The following CAPN6 variants were observed in gnomAD, a reference collection of about 807,000 sequenced individuals.
CAPN6 encodes calpain-6.
A neutral mutation model predicts 46.0 loss-of-function variants in CAPN6; 16 were observed. That is an observed-to-expected ratio of 0.35 (90% confidence interval 0.24 to 0.53). CAPN6 has a LOEUF of 0.53. Ranked by LOEUF, CAPN6 falls within the 20% of genes least tolerant of loss-of-function variation. The probability of loss-of-function intolerance (pLI) is 0.94; values close to 1 mark genes in which losing one functional copy is unlikely to be tolerated. For synonymous variants in CAPN6, 206 were observed against 172.8 expected, an observed-to-expected ratio of 1.19 and a Z score of -1.51; for missense variants, 461 against 498.0, an observed-to-expected ratio of 0.93 and a Z score of 0.71.
At position 111,254,328 on chromosome X, in the gene CAPN6, T is replaced by C; in HGVS notation, c.241A>G (p.Lys81Glu). 8.3e-7 allele frequency: 1 copy of C among 1,209,272 alleles called. No individual in the cohort carries two copies. Among genetic ancestry groups the C allele is most frequent in the South Asian group, 1.8e-5 (1 of 56,775 alleles). The part of the protein sequence containing the change: ...HQLTQGRLGH[K>E]PMVSAFSCLA... ...CAGGAAAATGCAGAAACCATTGGCT[T>C]GTGCCCCAGTCTCCCTTGGGTCAGC... The change falls in exon 3 of 13, where the codon AAG becomes GAG. Residue 81 changes from lysine (K) to glutamate (E), a missense_variant. Transcript: ENST00000324068.
intron 2 of CAPN6, among the ~76,000 whole-genome samples, chrX:111,256,938 A>G: frequency 9.2e-6 from 1 of 108,264 alleles, no homozygotes; most frequent in Non-Finnish European, 1.9e-5. Context: ...CTATTTAACA[A>G]TAGATTTAAA....
chrX:111,248,636 T>C lies in CAPN6; in HGVS notation c.1417A>G (p.Met473Val), dbSNP rs2094976563. The part of the protein sequence containing the change: ...KKGNYVLVPT[M>V]FQHGRTSEFL... The stretch of plus-strand genomic sequence containing the variant: ...TCGCTGGTGCGACCATGCTGGAACA[T>C]GGTTGGGACAAGCACATAGTTGCCC... Residue 473 changes from methionine (M) to valine (V), a missense_variant, in exon 10 of 13, where the codon ATG becomes GTG. Physicochemically the swap from Met to Val is conservative, Grantham distance 21. Coordinates refer to ENST00000324068, the MANE Select transcript of CAPN6 (RefSeq NM_014289.4). 8.3e-7 allele frequency: 1 copy of C among 1,208,087 alleles called. No homozygotes were observed. The highest frequency in any genetic ancestry group is 1.1e-6 in the Non-Finnish European group (1 of 894,702).
intron 9 of CAPN6, 55 bp downstream of exon 9, chrX:111,248,880 C>A: frequency 2.5e-6 from 3 of 1,204,646 alleles, no homozygotes; most frequent in Non-Finnish European, 3.4e-6. Flanking sequence ...ATTAAATTAT[C>A]CTAATTTTTA....
Position 111,258,422 on chromosome X carries a change from A to T in CAPN6, c.166-4019T>A, listed in dbSNP as rs745578300. Among the ~76,000 whole-genome samples the T allele has an allele frequency of 6.3e-5, 7 of 111,965 alleles. No individual in the cohort carries two copies. The South Asian group carries it at 2.7e-3, about 42-fold the overall frequency. On this transcript the variant is annotated intron_variant, in intron 2 of 12. Transcript: ENST00000324068. ...AAGTCCAGGGTCTAAATAGTCCCAG[A>T]AAGCTCAGGGGCTAATTTGCACAGA...
intron 2 of CAPN6, among the ~76,000 whole-genome samples, chrX:111,256,286 C>T (rs1243870236): frequency 9.0e-6 from 1 of 110,833 alleles, no homozygotes; most frequent in Non-Finnish European, 1.9e-5. Flanking sequence ...GTAATCTCAG[C>T]TACTCAGGAG....
chrX:111,253,012 C>T lies in CAPN6; in HGVS notation c.502G>A (p.Ala168Thr), dbSNP rs1279742139. ...ACTAGTCAATCACCTCCTTACTTTG[C>T]ATAAGCTTTTTCCAGCAGAGCATTC... is the stretch of plus-strand genomic sequence containing the variant. ...FWNALLEKAY[A>T]KLLGCYEALD... The change falls in exon 4 of 13, where the codon GCA (alanine) becomes ACA (threonine). Residue 168 changes from alanine to threonine, a missense_variant. Coordinates refer to ENST00000324068, the MANE Select transcript of CAPN6 (RefSeq NM_014289.4). 1 of 1,204,859 alleles carries T rather than the reference C, an allele frequency of 8.3e-7. No homozygotes were observed. The highest frequency in any genetic ancestry group is 1.1e-6 in the Non-Finnish European group (1 of 890,687).
At chrX:111,247,247 A>G (rs777070318) in intron 12 of CAPN6, 121 bp downstream of exon 12, 15 of 681,784 alleles carry the variant, frequency 2.2e-5, no homozygotes, top group Non-Finnish European at 3.0e-5. Context: ...TTGAGTATAA[A>G]ACAAACCAAA....
rs1416763974 is a variant in CAPN6, at chrX:111,262,417, C to T, written c.165+1355G>A. Reference sequence around the variant, plus strand: ...AACAGAAGTAGCTCTTGGCAGAACTCCATTTAGGAATTTAAGCTGTGGAAA... The same window carrying T: ...AACAGAAGTAGCTCTTGGCAGAACTTCATTTAGGAATTTAAGCTGTGGAAA... On this transcript the variant is annotated intron_variant, in intron 2 of 12. Transcript: ENST00000324068. 2.7e-5 allele frequency among the ~76,000 whole-genome samples: 3 copies of T among 112,016 alleles called. No homozygotes were observed. The East Asian group carries it at 8.4e-4, about 31-fold the overall frequency.
At chrX:111,247,241 G>GA in intron 12 of CAPN6, 127 bp downstream of exon 12, 1 of 576,396 alleles carries the variant, frequency 1.7e-6, no homozygotes, top group Middle Eastern at 5.3e-4. Context: ...GAGTTTTTGA[G>GA]TATAAAACAA....
At position 111,251,003 on chromosome X, in the gene CAPN6, C is replaced by T; in HGVS notation, c.1072G>A (p.Gly358Arg). 1.7e-6 allele frequency: 2 copies of T among 1,211,351 alleles called. No individual in the cohort carries two copies. Among genetic ancestry groups the T allele is most frequent in the Non-Finnish European group, 2.2e-6 (2 of 895,272 alleles). Reference protein sequence around the residue: ...FGRKELESVLGCWTVDDDPLM... With the variant: ...FGRKELESVLRCWTVDDDPLM... ...GGATCATCATCCACAGTCCAGCATCCCAACACCGATTCCAGCTCCTTTCGG... is the reference window on the plus strand; with the variant it reads ...GGATCATCATCCACAGTCCAGCATCTCAACACCGATTCCAGCTCCTTTCGG... The change falls in exon 8 of 13, where the codon GGA (glycine) becomes AGA (arginine). Residue 358 changes from glycine to arginine, a missense_variant. Coordinates refer to ENST00000324068, the MANE Select transcript of CAPN6 (RefSeq NM_014289.4).
intron 11 of CAPN6, 151 bp downstream of exon 11, chrX:111,247,720 T>C: frequency 4.3e-6 from 3 of 690,459 alleles, no homozygotes; most frequent in Non-Finnish European, 4.3e-6. Flanking sequence ...TGCTTGAAGT[T>C]GACATCCCAT....
chrX:111,254,249 AG>A, intron 3 of CAPN6, 22 bp downstream of exon 3: 1 of 1,153,550 alleles, frequency 8.7e-7, no homozygotes, highest in Non-Finnish European at 1.2e-6. Context: ...AAACTGAATG[AG>A]GTCCCACAGG....
intron 5 of CAPN6, 23 bp from the exon 6 acceptor site, chrX:111,251,765 A>G: frequency 8.6e-7 from 1 of 1,163,221 alleles, no homozygotes; most frequent in Non-Finnish European, 1.2e-6. Context: ...AAAGATATAT[A>G]AAGGCACAGG....
chrX:111,269,821 T>C (rs187167364), intron 1 of CAPN6, among the ~76,000 whole-genome samples: 2 of 112,159 alleles, frequency 1.8e-5, no homozygotes, highest in Non-Finnish European at 3.8e-5. Flanking sequence ...GGAGTTAAGA[T>C]AGACTTGGCC....
intron 2 of CAPN6, among the ~76,000 whole-genome samples, chrX:111,256,399 CA>C (rs1046028711): frequency 5.7e-5 from 6 of 105,606 alleles, no homozygotes; most frequent in African/African-American, 6.9e-5. Flanking sequence ...AACTTCGTTC[CA>C]AAAAAAAAAT....
At chrX:111,256,516 A>C (rs2094983895) in intron 2 of CAPN6, among the ~76,000 whole-genome samples, 1 of 112,457 alleles carries the variant, frequency 8.9e-6, no homozygotes, top group South Asian at 3.7e-4. Context: ...TTAATAAGGC[A>C]AATTATTTGC....
At chrX:111,266,932 T>G (rs949019539) in intron 1 of CAPN6, among the ~76,000 whole-genome samples, 3 of 112,900 alleles carry the variant, frequency 2.7e-5, no homozygotes, top group African/African-American at 9.7e-5. Context: ...TTGATGTTCA[T>G]GGGAGAATCT....
At chrX:111,253,310 C>G in intron 3 of CAPN6, 94 bp from the exon 4 acceptor site, 4 of 679,115 alleles carry the variant, frequency 5.9e-6, no homozygotes, top group East Asian at 3.2e-5. Flanking sequence ...TACAGGGCAA[C>G]AGGAAGCATG....
rs186493961 is a variant in CAPN6 at position 111,251,818 on chromosome X, C to A, written c.700-76G>T. 6.6e-5 allele frequency: 59 copies of A among 887,634 alleles called. No individual in the cohort carries two copies. The East Asian group carries it at 1.7e-3, about 26-fold the overall frequency. 73.2% of individuals were successfully genotyped at this position (887,634 alleles called of 1,213,427 possible). On this transcript the variant is annotated intron_variant, in intron 5 of 12. Transcript: ENST00000324068. ...CTGACTCCTCTTCTTCATTAATTGG[C>A]TTAACCCAGTAGGATTGAAGCTAGT...
Sources: allele counts gnomAD v4.1 joint callset (sites outside exome capture counted in the v4.1 genomes callset), GRCh38; gene constraint gnomAD v4.1.1; transcripts MANE v1.5; gene names NCBI Gene and HGNC (gene_info 2026-07-23, HGNC 2026-07-21).